PDE3A: variants seen among roughly 807,000 people sequenced by gnomAD.
PDE3A encodes the protein cGMP-inhibited 3',5'-cyclic phosphodiesterase 3A.
Under a neutral mutation model 98.3 loss-of-function variants are expected in PDE3A, and 43 were observed. That is an observed-to-expected ratio of 0.44 (90% CI 0.34 to 0.56). PDE3A has a LOEUF of 0.56. Among genes scored for constraint, PDE3A ranks in the 20% least tolerant of loss-of-function variants. The pLI is 0.01. For synonymous variants in PDE3A, 663 were observed against 567.9 expected (o/e 1.17, Z -2.38); for missense variants, 1,427 against 1,440.7 (o/e 0.99, Z 0.15).
intron 1 of PDE3A, among the ~76,000 whole-genome samples, chr12:20,384,625 C>A (rs963618590): frequency 2.0e-5 from 3 of 151,794 alleles, no homozygotes; most frequent in Non-Finnish European, 4.4e-5. Flanking sequence ...CATCTATCAA[C>A]CTGTCACCTA....
chr12:20,650,011 A>T (rs868342005), intron 13 of PDE3A, among the ~76,000 whole-genome samples: 44 of 152,148 alleles, frequency 2.9e-4, no homozygotes, highest in African/African-American at 9.7e-4. Flanking sequence ...GATTTTTAAA[A>T]TTTTCATTTT....
intron 1 of PDE3A, among the ~76,000 whole-genome samples, chr12:20,528,983 T>C (rs1946575391): frequency 6.6e-6 from 1 of 152,156 alleles, no homozygotes; most frequent in Non-Finnish European, 1.5e-5. Flanking sequence ...ATGTTAAAAA[T>C]TCATGAGCAG....
chr12:20,563,021 C>T (rs145446237), intron 2 of PDE3A, among the ~76,000 whole-genome samples: 74 of 152,228 alleles, frequency 4.9e-4, no homozygotes, highest in African/African-American at 1.7e-3. Context: ...TTTAACAAGT[C>T]CTGGAGGCAA....
intron 12 of PDE3A, among the ~76,000 whole-genome samples, chr12:20,648,444 C>A (rs1325005755): frequency 6.6e-5 from 10 of 151,460 alleles, no homozygotes; most frequent in Non-Finnish European, 1.2e-4. Context: ...AGGCGAGTGC[C>A]CCCTCAAAAG....
At chr12:20,503,315 C>T (rs769836322) in intron 1 of PDE3A, among the ~76,000 whole-genome samples, 2 of 151,864 alleles carry the variant, frequency 1.3e-5, no homozygotes, top group Non-Finnish European at 2.9e-5. Flanking sequence ...ACTCATCAAT[C>T]TAGTGTTTCT....
intron 15 of PDE3A, among the ~76,000 whole-genome samples, chr12:20,657,898 A>G (rs1031501361): frequency 3.3e-5 from 5 of 152,222 alleles, no homozygotes; most frequent in African/African-American, 1.2e-4. Context: ...CACTGCCATC[A>G]ATGTGTATAA....
chr12:20,546,932 T>G (rs1942075787), intron 1 of PDE3A, among the ~76,000 whole-genome samples: 1 of 152,102 alleles, frequency 6.6e-6, no homozygotes, highest in Non-Finnish European at 1.5e-5. Context: ...ATAATTAACT[T>G]GTAGACCAAT....
chr12:20,481,521 C>T (rs1945625202), intron 1 of PDE3A, among the ~76,000 whole-genome samples: 1 of 152,086 alleles, frequency 6.6e-6, no homozygotes. Context: ...CCTATTAGAT[C>T]AATCCCTAAT....
intron 1 of PDE3A, among the ~76,000 whole-genome samples, chr12:20,467,771 C>T (rs1945364416): frequency 6.6e-6 from 1 of 151,210 alleles, no homozygotes; most frequent in African/African-American, 2.4e-5. Context: ...CCCATCTCTA[C>T]TAAAAATACA....
At chr12:20,546,146 G>A (rs1251405540) in intron 1 of PDE3A, among the ~76,000 whole-genome samples, 2 of 151,896 alleles carry the variant, frequency 1.3e-5, no homozygotes, top group Non-Finnish European at 2.9e-5. Context: ...TATGCAGGTG[G>A]GTAAGTCTTT....
At chr12:20,451,671 A>G (rs772749238) in intron 1 of PDE3A, among the ~76,000 whole-genome samples, 19 of 152,162 alleles carry the variant, frequency 1.2e-4, no homozygotes, top group Non-Finnish European at 2.6e-4. Context: ...TGAATGTGAG[A>G]AGAATCCCAA....
At chr12:20,481,855 C>T (rs1280309154) in intron 1 of PDE3A, among the ~76,000 whole-genome samples, 9 of 144,342 alleles carry the variant, frequency 6.2e-5, no homozygotes, top group Admixed American at 2.9e-4. Context: ...AGCTCCGCCT[C>T]CCGTGTTCAC....
intron 1 of PDE3A, among the ~76,000 whole-genome samples, chr12:20,487,655 GAAA>G (rs61676423): frequency 8.5e-6 from 1 of 118,288 alleles, no homozygotes; most frequent in African/African-American, 3.2e-5. Flanking sequence ...TCAGGCTTAA[GAAA>G]AAAAAATAAA....
chr12:20,382,151 A>G (rs1388438642), intron 1 of PDE3A, among the ~76,000 whole-genome samples: 1 of 151,936 alleles, frequency 6.6e-6, no homozygotes, highest in Non-Finnish European at 1.5e-5. Context: ...ATACTAGATT[A>G]TAGATCCTGT....
At position 20,489,893 on chromosome 12, in the gene PDE3A, G is replaced by A. The variant is rs80066920; in HGVS notation, c.961-66767G>A. Among the ~76,000 whole-genome samples, 557 of 152,224 alleles carry A rather than the reference G, an allele frequency of 3.7e-3. 5 individuals carry two copies. The highest frequency in any genetic ancestry group is 0.012 in the African/African-American group (519 of 41,532). ...AACACAGGGCTGTGGAGGTGTTGACGTCATAGAGGCAGAAGGATTTGGGGC... is the reference window on the plus strand; with the variant it reads ...AACACAGGGCTGTGGAGGTGTTGACATCATAGAGGCAGAAGGATTTGGGGC... On this transcript the variant is annotated intron_variant, in intron 1 of 15. Transcript: ENST00000359062.
chr12:20,543,161 C>T (rs144350011), intron 1 of PDE3A, among the ~76,000 whole-genome samples: 3 of 151,780 alleles, frequency 2.0e-5, no homozygotes, highest in African/African-American at 7.2e-5. Flanking sequence ...GAGAAAATTG[C>T]ATTTTGTTTT....
At chr12:20,502,182 C>T (rs1030022347) in intron 1 of PDE3A, among the ~76,000 whole-genome samples, 1 of 152,112 alleles carries the variant, frequency 6.6e-6, no homozygotes, top group African/African-American at 2.4e-5. Flanking sequence ...ACTCCATTCC[C>T]AGATGGTAGA....
chr12:20,558,890 G>A (rs183895883), intron 2 of PDE3A, among the ~76,000 whole-genome samples: 1 of 152,218 alleles, frequency 6.6e-6, no homozygotes, highest in East Asian at 1.9e-4. Context: ...TCCCATCTTA[G>A]TTAATTTAGA....
chr12:20,432,016 C>A (rs1944706640), intron 1 of PDE3A, among the ~76,000 whole-genome samples: 1 of 152,026 alleles, frequency 6.6e-6, no homozygotes, highest in Admixed American at 6.5e-5. Context: ...CTTTTTTTTA[C>A]AAATCTTTTG....
Sources: gnomAD v4.1 joint callset for allele counts (sites outside exome capture counted in the v4.1 genomes callset) on GRCh38, gnomAD v4.1.1 for gene constraint, MANE v1.5 for transcripts, NCBI Gene and HGNC (gene_info 2026-07-23, HGNC 2026-07-21) for gene names.